Variants in SEMA5B observed in about 807,000 individuals in gnomAD.
SEMA5B encodes the protein semaphorin-5B.
Under a neutral mutation model 135.0 loss-of-function variants are expected in SEMA5B, and 66 were observed. The ratio of observed to expected loss-of-function variants is 0.49; its 90% CI spans 0.40 to 0.60. The LOEUF (loss-of-function observed/expected upper bound fraction) is 0.60, where lower values mean the gene tolerates loss of function less well. Among genes scored for constraint, SEMA5B ranks in the 20% least tolerant of loss-of-function variants. The probability of loss-of-function intolerance (pLI) is 0.00; values close to 1 mark genes in which losing one functional copy is unlikely to be tolerated. For synonymous variants in SEMA5B, 690 were observed against 639.5 expected (o/e 1.08, Z -1.19); for missense variants, 1,501 against 1,566.3 (o/e 0.96, Z 0.70).
At chr3:123,021,175 G>A (rs1011724589) in intron 1 of SEMA5B, among the ~76,000 whole-genome samples, 67 of 152,172 alleles carry the variant, frequency 4.4e-4, no homozygotes, top group African/African-American at 1.3e-3. Flanking sequence ...CCCGGATCCC[G>A]GGAAATCTGC....
At position 122,909,430 on chromosome 3, in the gene SEMA5B, C is replaced by T; in HGVS notation, c.*713G>A. 6.5e-6 allele frequency: 1 copy of T among 152,758 alleles called. No homozygotes were observed. Among genetic ancestry groups the T allele is most frequent in the Admixed American group, 6.5e-5 (1 of 15,290 alleles). 9.5% of individuals were successfully genotyped at this position (152,758 alleles called of 1,614,324 possible). A position where few individuals can be genotyped will look rare whatever the true frequency, so the allele number is the denominator to read the frequency against. ...ACTTCTGCCTCCTATGGCATTGATC[C>T]TCTCTCCTGGGCCACCTTTCGTGCA... is the stretch of plus-strand genomic sequence containing the variant. On this transcript the variant is annotated 3_prime_UTR_variant, in exon 23 of 23. Coordinates refer to ENST00000357599, the MANE Select transcript of SEMA5B (RefSeq NM_001031702.4).
In SEMA5B at chr3:122,926,572, G is replaced by A. The variant is rs1298892450; in HGVS notation, c.956C>T (p.Ala319Val). ...CCCCACGTCATTCTTGCACACGCGG[G>A]CCACGCGAGAGTACACGGTGCGTCC... is the stretch of plus-strand genomic sequence containing the variant. ...DCGRTVYSRVARVCKNDVGGR... is the reference protein window; with the variant it reads ...DCGRTVYSRVVRVCKNDVGGR... Residue 319 changes from alanine (A) to valine (V), a missense_variant, in exon 9 of 23, where the codon GCC becomes GTC. Ala to Val is a moderately conservative substitution (Grantham distance 64). This residue lies in a region of SEMA5B where 574 missense variants were observed against 684.7 expected (regional missense o/e 0.84). Transcript: ENST00000357599. 4.3e-6 allele frequency: 7 copies of A among 1,614,090 alleles called. No individual in the cohort carries two copies. The highest frequency in any genetic ancestry group is 1.3e-5 in the African/African-American group (1 of 74,936).
At chr3:122,933,107 C>G (rs994776252) in intron 5 of SEMA5B, among the ~76,000 whole-genome samples, 1 of 152,058 alleles carries the variant, frequency 6.6e-6, no homozygotes, top group Non-Finnish European at 1.5e-5. Flanking sequence ...CTCCATCTTC[C>G]TGCCTAGTGT....
At chr3:122,928,933 C>G in intron 6 of SEMA5B, 63 bp downstream of exon 6, 3 of 1,523,060 alleles carry the variant, frequency 2.0e-6, no homozygotes, top group South Asian at 2.3e-5. Context: ...GCTGCTCCAT[C>G]CCCACAACCA....
At chr3:122,976,121 C>G (rs1941311936) in intron 1 of SEMA5B, 3 of 1,535,242 alleles carry the variant, frequency 2.0e-6, no homozygotes, top group South Asian at 1.2e-5. Context: ...ACAGATGCAG[C>G]ATGTGGTTTA....
chr3:122,981,296 T>G (rs57820651), intron 1 of SEMA5B, among the ~76,000 whole-genome samples: 67,017 of 151,966 alleles, frequency 0.44, 16,226 homozygotes, highest in African/African-American at 0.63. Context: ...GTTGGGCCCC[T>G]GTGCCACAGG....
intron 1 of SEMA5B, among the ~76,000 whole-genome samples, chr3:123,004,505 G>T (rs1246137086): frequency 6.6e-6 from 1 of 152,150 alleles, no homozygotes; most frequent in Non-Finnish European, 1.5e-5. Context: ...GTGTAAGAAG[G>T]CAGGGATGCA....
chr3:122,911,888 G>T (rs1244920847), intron 20 of SEMA5B, 32 bp downstream of exon 20: 2 of 1,570,558 alleles, frequency 1.3e-6, no homozygotes, highest in Non-Finnish European at 8.7e-7. Flanking sequence ...GCTGGGAAGG[G>T]TTGCTGCGCA....
At chr3:122,950,110 A>C (rs1375212473) in intron 2 of SEMA5B, among the ~76,000 whole-genome samples, 1 of 152,236 alleles carries the variant, frequency 6.6e-6, no homozygotes, top group Non-Finnish European at 1.5e-5. Flanking sequence ...GGAAAAGACT[A>C]ACAATCCAGT....
chr3:122,914,793 T>C (rs1333886011), intron 14 of SEMA5B, among the ~76,000 whole-genome samples: 4 of 152,088 alleles, frequency 2.6e-5, no homozygotes, highest in Non-Finnish European at 5.9e-5. Flanking sequence ...AAAAATTAGC[T>C]GGGTATGGTG....
intron 2 of SEMA5B, among the ~76,000 whole-genome samples, chr3:122,953,468 T>C (rs1452183750): frequency 6.6e-6 from 1 of 152,156 alleles, no homozygotes; most frequent in Non-Finnish European, 1.5e-5. Context: ...TCCAACTCCC[T>C]CTTGAATCAG....
intron 5 of SEMA5B, among the ~76,000 whole-genome samples, chr3:122,937,038 T>A (rs1357533709): frequency 6.6e-6 from 1 of 152,228 alleles, no homozygotes; most frequent in Non-Finnish European, 1.5e-5. Flanking sequence ...GAGTTTTAAG[T>A]TTGCTTAAAT....
At chr3:122,989,869 G>A (rs1478880484) in intron 1 of SEMA5B, among the ~76,000 whole-genome samples, 1 of 152,164 alleles carries the variant, frequency 6.6e-6, no homozygotes, top group Non-Finnish European at 1.5e-5. Context: ...GTTGCTGGGG[G>A]CAAACTGATT....
At chr3:123,003,119 A>T (rs1475638086) in intron 1 of SEMA5B, among the ~76,000 whole-genome samples, 1 of 152,196 alleles carries the variant, frequency 6.6e-6, no homozygotes, top group African/African-American at 2.4e-5. Context: ...TTGAATGTCC[A>T]GTAAGTGCAC....
chr3:123,017,431 G>A (rs1942588599), intron 1 of SEMA5B, among the ~76,000 whole-genome samples: 1 of 152,098 alleles, frequency 6.6e-6, no homozygotes, highest in Non-Finnish European at 1.5e-5. Context: ...TTGAAGCCAA[G>A]TCTGTCTCAT....
chr3:122,952,971 C>A (rs1281914144), intron 2 of SEMA5B, among the ~76,000 whole-genome samples: 1 of 152,128 alleles, frequency 6.6e-6, no homozygotes, highest in Non-Finnish European at 1.5e-5. Flanking sequence ...GGGAGTTATC[C>A]CATATGGTTC....
chr3:122,995,646 T>C (rs994389294), intron 1 of SEMA5B, among the ~76,000 whole-genome samples: 4 of 133,412 alleles, frequency 3.0e-5, no homozygotes, highest in African/African-American at 1.6e-4. Context: ...CCATAAATGC[T>C]CAGGCCAGCA....
At chr3:123,008,149 A>G (rs769735884) in intron 1 of SEMA5B, among the ~76,000 whole-genome samples, 2 of 152,244 alleles carry the variant, frequency 1.3e-5, no homozygotes, top group Non-Finnish European at 2.9e-5. Flanking sequence ...CAATAACACC[A>G]TAACTTTTGG....
intron 2 of SEMA5B, among the ~76,000 whole-genome samples, chr3:122,951,368 G>T (rs562413970): frequency 6.6e-6 from 1 of 152,182 alleles, no homozygotes; most frequent in South Asian, 2.1e-4. Context: ...GGGAATCAAG[G>T]CTTCTCAGTA....
Sources: gnomAD v4.1 joint callset for allele counts (sites outside exome capture counted in the v4.1 genomes callset) on GRCh38, gnomAD v4.1.1 for gene constraint, gnomAD v4.1.1 regional missense constraint, MANE v1.5 for transcripts, NCBI Gene and HGNC (gene_info 2026-07-23, HGNC 2026-07-21) for gene names.